Variants in ST8SIA2 observed in about 807,000 individuals in gnomAD.
The protein encoded by ST8SIA2 is ST8 alpha-N-acetyl-neuraminide alpha-2,8-sialyltransferase 2, also known as alpha-2,8-sialyltransferase 8B.
A neutral mutation model predicts 37.6 loss-of-function variants in ST8SIA2; 22 were observed. The ratio of observed to expected loss-of-function variants is 0.58; its 90% CI spans 0.42 to 0.83. The LOEUF is 0.83. ST8SIA2 is among the 40% of genes least tolerant of loss of function. The pLI, the probability that ST8SIA2 is intolerant of heterozygous loss-of-function variation, is 0.00. For missense variants in ST8SIA2, 382 were observed against 484.7 expected, an observed-to-expected ratio of 0.79 and a Z score of 1.99; for synonymous variants, 205 against 201.2, an observed-to-expected ratio of 1.02 and a Z score of -0.16.
chr15:92,455,607 C>T (rs145105489), intron 5 of ST8SIA2, among the ~76,000 whole-genome samples: 2 of 152,298 alleles, frequency 1.3e-5, no homozygotes, highest in African/African-American at 4.8e-5. Context: ...CACACCACCT[C>T]ATTCTCCTTC....
intron 3 of ST8SIA2, among the ~76,000 whole-genome samples, chr15:92,436,860 G>A (rs954313144): frequency 4.6e-5 from 7 of 152,260 alleles, no homozygotes; most frequent in African/African-American, 9.6e-5. Context: ...TGGCTGCCCC[G>A]GAGGCTCTTG....
At chr15:92,415,323 C>G (rs2049578897) in intron 1 of ST8SIA2, among the ~76,000 whole-genome samples, 2 of 151,888 alleles carry the variant, frequency 1.3e-5, no homozygotes, top group African/African-American at 4.8e-5. Context: ...AAGAAACTAG[C>G]ACCTCTGCCA....
At chr15:92,448,541 G>A (rs559650135) in intron 5 of ST8SIA2, among the ~76,000 whole-genome samples, 8 of 152,336 alleles carry the variant, frequency 5.3e-5, no homozygotes, top group South Asian at 2.1e-4. Flanking sequence ...TGGCAGTAGC[G>A]ACACCTCCAA....
chr15:92,464,072 CTTTTT>C lies in ST8SIA2; in HGVS notation c.843-9_843-5del, dbSNP rs34156050. The stretch of plus-strand genomic sequence containing the variant: ...TGACTCACAGACCCATGTTTCTTTT[CTTTTT>C]TTTTTTTTTTTTTTTTTTCCAGATA... On this transcript the variant is annotated intron_variant, in intron 5 of 5. Coordinates refer to ENST00000268164, the MANE Select transcript of ST8SIA2 (RefSeq NM_006011.4). 9,514 of 1,271,560 alleles carry C rather than the reference CTTTTT, an allele frequency of 7.5e-3. 72 individuals are homozygous for C. The highest frequency in any genetic ancestry group is 0.074 in the African/African-American group (3,594 of 48,344). 78.8% of individuals were successfully genotyped at this position (1,271,560 alleles called of 1,614,324 possible). A position where few individuals can be genotyped will look rare whatever the true frequency, so the allele number is the denominator to read the frequency against.
chr15:92,456,639 G>A (rs1227075473), intron 5 of ST8SIA2, among the ~76,000 whole-genome samples: 1 of 152,168 alleles, frequency 6.6e-6, no homozygotes, highest in Non-Finnish European at 1.5e-5. Context: ...CATAAGAAGG[G>A]ACTGCTAGCC....
intron 5 of ST8SIA2, among the ~76,000 whole-genome samples, chr15:92,455,658 T>C (rs1161496552): frequency 4.6e-5 from 7 of 152,234 alleles, no homozygotes; most frequent in African/African-American, 1.4e-4. Context: ...GACCATAATT[T>C]ATGTAAGCAG....
At chr15:92,448,322 T>G (rs1384629620) in intron 5 of ST8SIA2, among the ~76,000 whole-genome samples, 1 of 152,196 alleles carries the variant, frequency 6.6e-6, no homozygotes, top group Non-Finnish European at 1.5e-5. Context: ...GTGCTGGGTC[T>G]AATAGGACAC....
chr15:92,457,553 C>G (rs111518850), intron 5 of ST8SIA2, among the ~76,000 whole-genome samples: 76 of 152,304 alleles, frequency 5.0e-4, no homozygotes, highest in African/African-American at 1.8e-3. Flanking sequence ...CGGATGCACC[C>G]AGCTAACCTC....
chr15:92,447,179 G>T (rs1249227403), intron 5 of ST8SIA2, among the ~76,000 whole-genome samples: 1 of 152,172 alleles, frequency 6.6e-6, no homozygotes, highest in African/African-American at 2.4e-5. Flanking sequence ...GGTAAAGGCA[G>T]CAGGATTTGC....
In ST8SIA2 at chr15:92,408,677, T is replaced by TTTA. The variant is rs1555451198; in HGVS notation, c.98+14517_98+14518insATT. Among the ~76,000 whole-genome samples the TTTA allele has an allele frequency of 8.7e-3, 1,072 of 123,126 alleles. 3 individuals carry two copies. The highest frequency in any genetic ancestry group is 0.017 in the African/African-American group (497 of 29,406). 80.8% of individuals were successfully genotyped at this position (123,126 alleles called of 152,430 possible). A position where few individuals can be genotyped will look rare whatever the true frequency, so the allele number is the denominator to read the frequency against. ...TTTGAAATCCACTGAGTTCCATTTT[T>TTTA]TTTATTTATTTATTTATTTATTTAT... On this transcript the variant is annotated intron_variant, in intron 1 of 5. Transcript: ENST00000268164.
chr15:92,450,657 C>G (rs2049875201), intron 5 of ST8SIA2, among the ~76,000 whole-genome samples: 1 of 152,212 alleles, frequency 6.6e-6, no homozygotes. Flanking sequence ...ATCATGAGGA[C>G]AGTATCCACC....
At chr15:92,461,934 C>T (rs1270770985) in intron 5 of ST8SIA2, among the ~76,000 whole-genome samples, 2 of 152,196 alleles carry the variant, frequency 1.3e-5, no homozygotes, top group African/African-American at 4.8e-5. Flanking sequence ...AGTTACCAGC[C>T]AGAGCCATTG....
chr15:92,424,598 GA>G (rs2049661576), intron 1 of ST8SIA2, among the ~76,000 whole-genome samples: 1 of 150,798 alleles, frequency 6.6e-6, no homozygotes. Context: ...TCCATAGTGT[GA>G]AAAAAAGTTT....
chr15:92,429,922 AGTC>A, intron 1 of ST8SIA2, 124 bp from the exon 2 acceptor site: 1 of 995,158 alleles, frequency 1.0e-6, no homozygotes, highest in African/African-American at 1.6e-5. Flanking sequence ...CATTCTGCAG[AGTC>A]CAGAATGAGG....
chr15:92,451,324 C>T (rs567988705), intron 5 of ST8SIA2, among the ~76,000 whole-genome samples: 1 of 152,242 alleles, frequency 6.6e-6, no homozygotes, highest in Non-Finnish European at 1.5e-5. Context: ...CGGCAGGCAG[C>T]AACGCATCAA....
At chr15:92,399,951 A>G (rs764680362) in intron 1 of ST8SIA2, among the ~76,000 whole-genome samples, 3 of 152,184 alleles carry the variant, frequency 2.0e-5, no homozygotes, top group Non-Finnish European at 2.9e-5. Context: ...GCAACACATC[A>G]TCTGGTCTTT....
chr15:92,434,144 G>A lies in ST8SIA2; in HGVS notation c.162-103G>A, dbSNP rs1008872615. 13 of 1,554,376 alleles carry A rather than the reference G, an allele frequency of 8.4e-6. No homozygotes were observed. The Admixed American group carries it at 1.3e-4, about 16-fold the overall frequency. On this transcript the variant is annotated intron_variant, in intron 2 of 5. Transcript: ENST00000268164. ...GTAATAACTGCAATTTTGCTCTTCTGGAGAAGTTTACATTCAAGCCCGTGC... is the reference window on the plus strand; with the variant it reads ...GTAATAACTGCAATTTTGCTCTTCTAGAGAAGTTTACATTCAAGCCCGTGC...
At chr15:92,396,581 C>T (rs1311425977) in intron 1 of ST8SIA2, among the ~76,000 whole-genome samples, 3 of 151,938 alleles carry the variant, frequency 2.0e-5, no homozygotes, top group Non-Finnish European at 4.4e-5. Flanking sequence ...GCAACCTCCG[C>T]CTCCCGGGTT....
At chr15:92,402,631 A>G (rs2049479772) in intron 1 of ST8SIA2, among the ~76,000 whole-genome samples, 1 of 152,198 alleles carries the variant, frequency 6.6e-6, no homozygotes, top group African/African-American at 2.4e-5. Context: ...CTTAGGGGAT[A>G]GCATGTTGGA....
Sources: allele counts gnomAD v4.1 joint callset (sites outside exome capture counted in the v4.1 genomes callset), GRCh38; gene constraint gnomAD v4.1.1; transcripts MANE v1.5; gene names NCBI Gene and HGNC (gene_info 2026-07-23, HGNC 2026-07-21).